Variants in HIP1 observed in about 807,000 individuals in gnomAD.
HIP1 encodes the protein huntingtin interacting protein 1.
A neutral mutation model predicts 147.6 loss-of-function variants in HIP1; 65 were observed. That is an observed-to-expected ratio of 0.44 (90% CI 0.36 to 0.54). The LOEUF (loss-of-function observed/expected upper bound fraction) is 0.54, where lower values mean the gene tolerates loss of function less well. Among genes scored for constraint, HIP1 ranks in the 20% least tolerant of loss-of-function variants. HIP1 has a pLI of 0.00. For missense variants in HIP1, 1,061 were observed against 1,299.6 expected (o/e 0.82, Z 2.82); for synonymous variants, 479 against 504.0 (o/e 0.95, Z 0.67).
chr7:75,566,584 C>A (rs1370252879), intron 9 of HIP1, among the ~76,000 whole-genome samples: 1 of 151,518 alleles, frequency 6.6e-6, no homozygotes, highest in Non-Finnish European at 1.5e-5. Context: ...ACTGTCACTG[C>A]ACACTGGTAG....
intron 4 of HIP1, among the ~76,000 whole-genome samples, chr7:75,587,335 G>A (rs1215104313): frequency 2.0e-5 from 3 of 152,144 alleles, no homozygotes; most frequent in African/African-American, 7.2e-5. Context: ...GCCCGCCTCT[G>A]CCTCCCAAAG....
At chr7:75,709,936 A>G (rs1313518931) in intron 1 of HIP1, among the ~76,000 whole-genome samples, 8 of 152,162 alleles carry the variant, frequency 5.3e-5, no homozygotes, top group Non-Finnish European at 1.2e-4. Context: ...CAGTGGCACA[A>G]TCATGGCTCA....
chr7:75,699,412 C>T (rs937938420), intron 1 of HIP1, among the ~76,000 whole-genome samples: 3 of 152,050 alleles, frequency 2.0e-5, no homozygotes, highest in East Asian at 1.9e-4. Context: ...TTTTTTCCAT[C>T]GATCTCCTGG....
At chr7:75,546,422 G>T (rs587766394) in intron 25 of HIP1, among the ~76,000 whole-genome samples, 2 of 152,224 alleles carry the variant, frequency 1.3e-5, no homozygotes, top group Admixed American at 6.5e-5. Flanking sequence ...CTGGACTTAC[G>T]CCTCCCGAGC....
chr7:75,558,073 G>A (rs1795085102), intron 15 of HIP1, 94 bp downstream of exon 15: 2 of 946,762 alleles, frequency 2.1e-6, no homozygotes, highest in African/African-American at 3.2e-5. Flanking sequence ...GATCAATGTA[G>A]GGGTTGCTGG....
chr7:75,620,956 G>A lies in HIP1; in HGVS notation c.121-21709C>T, dbSNP rs587621117. Among the ~76,000 whole-genome samples the A allele has an allele frequency of 5.5e-4, 83 of 152,120 alleles. 1 individual carries two copies. In the South Asian group the frequency reaches 0.016, roughly 29 times the overall value. On this transcript the variant is annotated intron_variant, in intron 1 of 30. Coordinates refer to ENST00000336926, the MANE Select transcript of HIP1 (RefSeq NM_005338.7). ...GACTTTAAAGTGACGAGAGGCTGGC[G>A]TGGTGGCTCACACCTAAAATCTCAG...
chr7:75,638,538 T>G (rs2117152157), intron 1 of HIP1, among the ~76,000 whole-genome samples: 1 of 152,184 alleles, frequency 6.6e-6, no homozygotes, highest in Admixed American at 6.5e-5. Flanking sequence ...ACCTAGAACC[T>G]TCCCCGTCTC....
rs587614035 is a variant in HIP1 at position 75,598,149 on chromosome 7, T to G, written c.184+1035A>C. Among the ~76,000 whole-genome samples, 210 of 152,264 alleles carry G rather than the reference T, an allele frequency of 1.4e-3. 5 individuals are homozygous for G. The South Asian group carries it at 0.041, about 30-fold the overall frequency. On this transcript the variant is annotated intron_variant, in intron 2 of 30. Transcript: ENST00000336926. ...CTTTTTTTCGGCCAGGCATGGTGGC[T>G]CATGCCTGTGATCTCAGCACTTTAG...
Position 75,538,007 on chromosome 7 carries a change from C to G in HIP1, c.*165G>C. The stretch of plus-strand genomic sequence containing the variant: ...ATGGGTCCAAACAGAAAGGGTGTCG[C>G]TATGGAGGGAGTCTTTGGAAGTGTC... On this transcript the variant is annotated 3_prime_UTR_variant, in exon 31 of 31. Coordinates refer to ENST00000336926, the MANE Select transcript of HIP1 (RefSeq NM_005338.7). The G allele has an allele frequency of 1.5e-6, 1 of 686,846 alleles. No individual in the cohort carries two copies. Among genetic ancestry groups the G allele is most frequent in the Non-Finnish European group, 2.7e-6 (1 of 372,142 alleles). The allele number at this position is 686,846 out of a possible 1,614,324, so 42.5% of individuals were successfully genotyped here.
chr7:75,540,352 C>T (rs1794257699), intron 29 of HIP1, among the ~76,000 whole-genome samples: 1 of 151,048 alleles, frequency 6.6e-6, no homozygotes, highest in Non-Finnish European at 1.5e-5. Context: ...TCGCTTGAAC[C>T]TGGAAGGCGG....
At chr7:75,560,975 C>CA (rs1795209191) in intron 13 of HIP1, among the ~76,000 whole-genome samples, 2 of 139,554 alleles carry the variant, frequency 1.4e-5, no homozygotes, top group South Asian at 4.5e-4. Context: ...TTTTTTGAGA[C>CA]AGAGTCTTGT....
rs189420547 is a variant in HIP1 at position 75,683,648 on chromosome 7, G to A, written c.120+55153C>T. 1.2e-4 allele frequency among the ~76,000 whole-genome samples: 19 copies of A among 152,236 alleles called. No individual in the cohort carries two copies. The East Asian group carries it at 2.1e-3, about 17-fold the overall frequency. On this transcript the variant is annotated intron_variant, in intron 1 of 30. Coordinates refer to ENST00000336926, the MANE Select transcript of HIP1 (RefSeq NM_005338.7). ...AGCATGCCCCATCCCATAGCACCACGTCCTCCACCTGATGCTGGAGGTCAC... is the reference window on the plus strand; with the variant it reads ...AGCATGCCCCATCCCATAGCACCACATCCTCCACCTGATGCTGGAGGTCAC...
At chr7:75,544,625 A>G (rs1794473729) in intron 27 of HIP1, 70 bp downstream of exon 27, 1 of 924,724 alleles carries the variant, frequency 1.1e-6, no homozygotes, top group South Asian at 1.3e-5. Context: ...GCAGCCAAGT[A>G]CTCTTTAACC....
intron 1 of HIP1, among the ~76,000 whole-genome samples, chr7:75,706,431 G>C (rs908066534): frequency 1.4e-5 from 2 of 146,330 alleles, no homozygotes; most frequent in African/African-American, 2.5e-5. Context: ...TAATGATTTT[G>C]AGCATTTTTT....
At chr7:75,552,981 C>T (rs1794842739) in intron 22 of HIP1, among the ~76,000 whole-genome samples, 1 of 151,316 alleles carries the variant, frequency 6.6e-6, no homozygotes, top group South Asian at 2.1e-4. Context: ...CTCTTATGCC[C>T]AGGCTGGAGT....
At chr7:75,687,473 C>T (rs1800301293) in intron 1 of HIP1, among the ~76,000 whole-genome samples, 1 of 152,216 alleles carries the variant, frequency 6.6e-6, no homozygotes, top group Non-Finnish European at 1.5e-5. Flanking sequence ...GGGAGGATCA[C>T]CTGAGGTCAG....
chr7:75,603,772 T>G (rs1356260947), intron 1 of HIP1, among the ~76,000 whole-genome samples: 1 of 146,722 alleles, frequency 6.8e-6, no homozygotes, highest in Non-Finnish European at 1.5e-5. Context: ...ACTAGGGAGG[T>G]TGAGGTGGGA....
chr7:75,674,357 C>G (rs1030160606), intron 1 of HIP1, among the ~76,000 whole-genome samples: 1 of 152,022 alleles, frequency 6.6e-6, no homozygotes, highest in Non-Finnish European at 1.5e-5. Flanking sequence ...TGGTAGATTT[C>G]CTTTATTTGG....
In HIP1 at chr7:75,636,163, G is replaced by GA. The variant is rs797034899; in HGVS notation, c.121-36917dup. ...TTGAGACCAGCCTGGCCAACATGGT[G>GA]AAACTCTGTCTCTACTAAAAATACA... On this transcript the variant is annotated intron_variant, in intron 1 of 30. Coordinates refer to ENST00000336926, the MANE Select transcript of HIP1 (RefSeq NM_005338.7). Among the ~76,000 whole-genome samples, 12 of 151,688 alleles carry GA rather than the reference G, an allele frequency of 7.9e-5. 1 individual carries two copies. Among genetic ancestry groups the GA allele is most frequent in the African/African-American group, 2.9e-4 (12 of 41,320 alleles).
Sources: allele counts gnomAD v4.1 joint callset (sites outside exome capture counted in the v4.1 genomes callset), GRCh38; gene constraint gnomAD v4.1.1; transcripts MANE v1.5; gene names NCBI Gene and HGNC (gene_info 2026-07-23, HGNC 2026-07-21).